Variants in ITGAM observed in about 807,000 individuals in gnomAD.
The protein encoded by ITGAM is integrin subunit alpha M, also known as integrin alpha-M.
A neutral mutation model predicts 137.5 loss-of-function variants in ITGAM; 79 were observed. That is an observed-to-expected ratio of 0.57 (90% CI 0.48 to 0.69). The LOEUF (loss-of-function observed/expected upper bound fraction) is 0.69. Among genes scored for constraint, ITGAM ranks in the 30% least tolerant of loss-of-function variants. The pLI, the probability that ITGAM is intolerant of heterozygous loss-of-function variation, is 0.00. For synonymous variants in ITGAM, 583 were observed against 592.3 expected, an observed-to-expected ratio of 0.98 and a Z score of 0.23; for missense variants, 1,343 against 1,483.5, an observed-to-expected ratio of 0.91 and a Z score of 1.56.
At chr16:31,262,746 G>T (rs1458295764) in intron 2 of ITGAM, among the ~76,000 whole-genome samples, 2 of 151,870 alleles carry the variant, frequency 1.3e-5, no homozygotes, top group Non-Finnish European at 2.9e-5. Context: ...CAGGAGCTGT[G>T]ATAGAGATTG....
At chr16:31,270,732 TA>T in intron 5 of ITGAM, among the ~76,000 whole-genome samples, 1 of 112,452 alleles carries the variant, frequency 8.9e-6, no homozygotes, top group Admixed American at 8.5e-5. Context: ...TATATATATA[TA>T]TATATATATA....
chr16:31,270,876 G>A (rs1308152900), intron 5 of ITGAM, 78 bp from the exon 6 acceptor site: 3 of 952,742 alleles, frequency 3.1e-6, no homozygotes, highest in Non-Finnish European at 4.3e-6. Context: ...TCATTGTTCA[G>A]CAGAGGGCTG....
Position 31,324,508 on chromosome 16 carries a change from C to A in ITGAM, c.2112C>A (p.Val704=). The A allele has an allele frequency of 6.2e-7, 1 of 1,604,766 alleles. No homozygotes were observed. Among genetic ancestry groups the A allele is most frequent in the Admixed American group, 1.7e-5 (1 of 58,484 alleles). The change falls in exon 17 of 30, where the codon GTC becomes GTA. Residue 704 remains valine, a synonymous_variant. Transcript: ENST00000544665. This position sits in a 1 kb window ranked among gnomAD's most constrained non-coding sequence, Gnocchi z 4.5. ...ACAGCACACGCAGACAGACACAGGT[C>A]TTGGGGCTGACCCAGACTTGTGAGA... The part of the protein sequence containing the change: ...TKNSTRRQTQ[V]LGLTQTCETL...
intron 7 of ITGAM, 65 bp downstream of exon 7, chr16:31,272,057 A>G: frequency 6.3e-7 from 1 of 1,596,306 alleles, no homozygotes; most frequent in Non-Finnish European, 8.6e-7. Context: ...GCTTTGATGG[A>G]TGAAGGGAGC....
chr16:31,324,484 C>T lies in ITGAM; in HGVS notation c.2088C>T (p.Asn696=). 6.3e-7 allele frequency: 1 copy of T among 1,592,520 alleles called. No individual in the cohort carries two copies. Among genetic ancestry groups the T allele is most frequent in the Non-Finnish European group, 8.5e-7 (1 of 1,169,878 alleles). ...GCGCCGTCTTCAATGAGACAAAGAA[C>T]AGCACACGCAGACAGACACAGGTCT... ...HSRAVFNETK[N]STRRQTQVLG... The change falls in exon 17 of 30, where the codon AAC becomes AAT. Residue 696 remains asparagine (N), a synonymous_variant. Transcript: ENST00000544665. This position sits in a 1 kb window ranked among gnomAD's most constrained non-coding sequence, Gnocchi z 4.5.
In ITGAM at chr16:31,329,234, G is replaced by C; in HGVS notation, c.2799G>C (p.Gly933=). Residue 933 remains glycine (G), a synonymous_variant, in exon 24 of 30, where the codon GGG becomes GGC. Coordinates refer to ENST00000544665, the MANE Select transcript of ITGAM (RefSeq NM_000632.4). The part of the protein sequence containing the change: ...YAVYMVVTSH[G]VSTKYLNFTA... ...CCCTTTTTTCTCCCTTCAGCCATGG[G>C]GTCTCCACTAAATATCTCAACTTCA... 1.9e-6 allele frequency: 3 copies of C among 1,611,000 alleles called. No individual in the cohort carries two copies. The highest frequency in any genetic ancestry group is 2.5e-6 in the Non-Finnish European group (3 of 1,177,502).
chr16:31,299,837 G>A (rs1476790612), intron 14 of ITGAM, among the ~76,000 whole-genome samples: 10 of 88,672 alleles, frequency 1.1e-4, no homozygotes, highest in African/African-American at 1.4e-4. Flanking sequence ...CCTCCTCGTC[G>A]TCCTCCTCTC....
Position 31,329,234 on chromosome 16 carries a change from G to T in ITGAM, c.2799G>T (p.Gly933=). 1 of 1,611,000 alleles carries T rather than the reference G, an allele frequency of 6.2e-7. No individual in the cohort carries two copies. Among genetic ancestry groups the T allele is most frequent in the Non-Finnish European group, 8.5e-7 (1 of 1,177,502 alleles). Residue 933 remains glycine (G), a synonymous_variant, in exon 24 of 30, where the codon GGG becomes GGT. Coordinates refer to ENST00000544665, the MANE Select transcript of ITGAM (RefSeq NM_000632.4). ...CCCTTTTTTCTCCCTTCAGCCATGG[G>T]GTCTCCACTAAATATCTCAACTTCA... ...YAVYMVVTSH[G]VSTKYLNFTA...
intron 14 of ITGAM, among the ~76,000 whole-genome samples, chr16:31,300,903 C>A (rs1390507526): frequency 1.3e-5 from 2 of 152,030 alleles, no homozygotes; most frequent in South Asian, 2.1e-4. Flanking sequence ...CAGAGGGAGA[C>A]CTTGTCTCAA....
intron 14 of ITGAM, among the ~76,000 whole-genome samples, chr16:31,317,751 T>C (rs2080407103): frequency 6.6e-6 from 1 of 152,226 alleles, no homozygotes; most frequent in Non-Finnish European, 1.5e-5. Flanking sequence ...CATCCTTGCA[T>C]GCCAGGAATA....
At chr16:31,264,930 C>T (rs1489644924) in intron 2 of ITGAM, among the ~76,000 whole-genome samples, 1 of 152,108 alleles carries the variant, frequency 6.6e-6, no homozygotes. Flanking sequence ...TGCAGTGGTG[C>T]TATCTCGGCT....
At chr16:31,270,802 ATT>A (rs1413881659) in intron 5 of ITGAM, among the ~76,000 whole-genome samples, 150 bp from the exon 6 acceptor site, 1 of 142,296 alleles carries the variant, frequency 7.0e-6, no homozygotes, top group African/African-American at 2.6e-5. Flanking sequence ...TTATATATAT[ATT>A]ATACATAATT....
intron 14 of ITGAM, among the ~76,000 whole-genome samples, chr16:31,315,543 C>T (rs2080382155): frequency 6.6e-6 from 1 of 151,942 alleles, no homozygotes; most frequent in Admixed American, 6.5e-5. Context: ...CTGCAACCTC[C>T]ACCTCCCGGG....
Position 31,331,846 on chromosome 16 carries a change from CAAGT to C in ITGAM, c.*140_*143del. Reference sequence around the variant, plus strand: ...GCTTGGGCTTCCATTTGTGTGTGTGCAAGTGTGTATGTGCGTGTGTGCAAGTGTC... The same window carrying C: ...GCTTGGGCTTCCATTTGTGTGTGTGCGTGTATGTGCGTGTGTGCAAGTGTC... On this transcript the variant is annotated 3_prime_UTR_variant, in exon 30 of 30. Coordinates refer to ENST00000544665, the MANE Select transcript of ITGAM (RefSeq NM_000632.4). The C allele has an allele frequency of 1.1e-5, 7 of 616,904 alleles. No individual in the cohort carries two copies. The highest frequency in any genetic ancestry group is 2.0e-5 in the Non-Finnish European group (7 of 356,486). 38.2% of individuals were successfully genotyped at this position (616,904 alleles called of 1,614,324 possible).
chr16:31,273,693 A>T (rs1320555462), intron 8 of ITGAM, 175 bp downstream of exon 8: 6 of 581,948 alleles, frequency 1.0e-5, no homozygotes, highest in African/African-American at 3.8e-5. Context: ...AACTATCCCA[A>T]AATTCAGCAG....
chr16:31,325,235 C>A, intron 19 of ITGAM, 28 bp from the exon 20 acceptor site: 1 of 1,595,330 alleles, frequency 6.3e-7, no homozygotes, highest in South Asian at 1.1e-5. Context: ...AGCGCCCCAT[C>A]CCCCGGCCTG....
At chr16:31,312,873 C>CTT (rs58746448) in intron 14 of ITGAM, among the ~76,000 whole-genome samples, 20 of 137,488 alleles carry the variant, frequency 1.5e-4, no homozygotes, top group African/African-American at 5.4e-4. Context: ...AGGGAGCAGT[C>CTT]TTTTTTTTTT....
At chr16:31,302,050 T>C (rs908683174) in intron 14 of ITGAM, among the ~76,000 whole-genome samples, 7 of 152,206 alleles carry the variant, frequency 4.6e-5, no homozygotes, top group Admixed American at 4.6e-4. Context: ...CCCACTTATT[T>C]TGGCTTTTAA....
intron 14 of ITGAM, among the ~76,000 whole-genome samples, chr16:31,300,084 C>CT (rs1440015008): frequency 1.3e-5 from 2 of 151,932 alleles, no homozygotes; most frequent in Non-Finnish European, 2.9e-5. Context: ...TGATGGCTTT[C>CT]TTTTTTAAGG....
Sources: gnomAD v4.1 joint callset for allele counts (sites outside exome capture counted in the v4.1 genomes callset) on GRCh38, gnomAD v4.1.1 for gene constraint, Gnocchi (gnomAD v3.1) non-coding constraint, MANE v1.5 for transcripts, NCBI Gene and HGNC (gene_info 2026-07-23, HGNC 2026-07-21) for gene names.